SUFU: variants seen among roughly 807,000 people sequenced by gnomAD.
SUFU encodes the protein suppressor of fused homolog.
SUFU carries 7 observed loss-of-function variants against 58.9 expected under a neutral mutation model. The observed-to-expected ratio is 0.12, with a 90% CI of 0.07 to 0.22. The LOEUF (loss-of-function observed/expected upper bound fraction) is 0.22, where lower values mean the gene tolerates loss of function less well. SUFU is among the 10% of genes least tolerant of loss of function. The pLI, the probability that SUFU is intolerant of heterozygous loss-of-function variation, is 1.00. For synonymous variants in SUFU, 232 were observed against 254.8 expected (o/e 0.91, Z 0.85); for missense variants, 451 against 641.3 (o/e 0.70, Z 3.20).
chr10:102,580,662 G>C (rs2063267427), intron 3 of SUFU, among the ~76,000 whole-genome samples: 1 of 152,154 alleles, frequency 6.6e-6, no homozygotes, highest in Non-Finnish European at 1.5e-5. Flanking sequence ...TTAGGTTGAG[G>C]GAGAATTTGC....
At chr10:102,503,961 C>A, upstream of SUFU, 1 of 754,356 alleles carries the variant, frequency 1.3e-6, no homozygotes, top group Non-Finnish European at 1.9e-6. Flanking sequence ...CGCCCCGAGG[C>A]ACCCTCTGGC....
chr10:102,620,965 AC>A (rs2063735007), intron 10 of SUFU, among the ~76,000 whole-genome samples: 1 of 152,126 alleles, frequency 6.6e-6, no homozygotes, highest in Non-Finnish European at 1.5e-5. Flanking sequence ...CTGACAGCTC[AC>A]CCAGGTTGCG....
At chr10:102,548,732 T>C (rs1248827991) in intron 2 of SUFU, among the ~76,000 whole-genome samples, 3 of 152,126 alleles carry the variant, frequency 2.0e-5, no homozygotes, top group Admixed American at 6.5e-5. Flanking sequence ...CAGGCCCAGC[T>C]CTCTGATCCA....
intron 8 of SUFU, among the ~76,000 whole-genome samples, chr10:102,608,673 C>T (rs1267756020): frequency 6.6e-6 from 1 of 152,160 alleles, no homozygotes; most frequent in Non-Finnish European, 1.5e-5. Flanking sequence ...GAGGGAAAAC[C>T]CTGGGCCAGT....
chr10:102,586,920 C>G (rs1282721621), intron 3 of SUFU, among the ~76,000 whole-genome samples: 1 of 152,212 alleles, frequency 6.6e-6, no homozygotes, highest in Admixed American at 6.5e-5. Flanking sequence ...ATAAATTTGC[C>G]TACCCTAGGT....
intron 3 of SUFU, among the ~76,000 whole-genome samples, chr10:102,588,084 T>C (rs554088658): frequency 6.6e-6 from 1 of 152,254 alleles, no homozygotes; most frequent in East Asian, 1.9e-4. Context: ...TCGAATTGTT[T>C]TGGCCCCCTT....
intron 3 of SUFU, among the ~76,000 whole-genome samples, chr10:102,561,672 T>TTG (rs1368436372): frequency 5.4e-5 from 8 of 148,148 alleles, no homozygotes; most frequent in Admixed American, 4.0e-4. Context: ...GCAAGCTTTT[T>TTG]TTTTTTTTTT....
chr10:102,614,873 C>T (rs1211155897), intron 8 of SUFU, among the ~76,000 whole-genome samples: 1 of 147,940 alleles, frequency 6.8e-6, no homozygotes, highest in Admixed American at 6.7e-5. Context: ...GAGACACCAT[C>T]TCAATTAAAA....
At chr10:102,539,353 T>G (rs922145827) in intron 2 of SUFU, among the ~76,000 whole-genome samples, 1 of 152,250 alleles carries the variant, frequency 6.6e-6, no homozygotes, top group African/African-American at 2.4e-5. Context: ...CACAGACATG[T>G]TGTGCCCTTC....
intron 8 of SUFU, among the ~76,000 whole-genome samples, chr10:102,614,512 C>T (rs1380760650): frequency 3.3e-5 from 5 of 150,458 alleles, no homozygotes; most frequent in Non-Finnish European, 4.4e-5. Context: ...GAGCCAAGAT[C>T]GTGCCACTGC....
chr10:102,584,290 A>C (rs549565796), intron 3 of SUFU, among the ~76,000 whole-genome samples: 1 of 152,236 alleles, frequency 6.6e-6, no homozygotes, highest in Admixed American at 6.5e-5. Flanking sequence ...TGGTAACTGC[A>C]CAAGAGTGGT....
chr10:102,562,554 A>G (rs2063049336), intron 3 of SUFU, among the ~76,000 whole-genome samples: 2 of 151,768 alleles, frequency 1.3e-5, no homozygotes, highest in African/African-American at 4.8e-5. Flanking sequence ...AACAACAGCA[A>G]CAACAAAACT....
chr10:102,615,700 G>A (rs1370307492), intron 9 of SUFU, among the ~76,000 whole-genome samples: 1 of 152,198 alleles, frequency 6.6e-6, no homozygotes, highest in Non-Finnish European at 1.5e-5. Flanking sequence ...ACTGGGCCAT[G>A]CGGTGTTCTC....
intron 3 of SUFU, among the ~76,000 whole-genome samples, chr10:102,575,261 T>C (rs1487325509): frequency 6.6e-6 from 1 of 152,210 alleles, no homozygotes; most frequent in African/African-American, 2.4e-5. Flanking sequence ...AGTGGTGCCA[T>C]TTTAGTTGCC....
intron 2 of SUFU, among the ~76,000 whole-genome samples, chr10:102,534,023 C>T (rs1380218796): frequency 6.6e-6 from 1 of 152,150 alleles, no homozygotes; most frequent in Non-Finnish European, 1.5e-5. Flanking sequence ...TGGTTCTTTG[C>T]TTGGGTATAG....
chr10:102,615,162 C>T, intron 8 of SUFU, 106 bp from the exon 9 acceptor site: 2 of 1,509,526 alleles, frequency 1.3e-6, no homozygotes, highest in Non-Finnish European at 1.8e-6. Flanking sequence ...TATCATCAGT[C>T]ACCATTATTG....
chr10:102,520,020 C>A (rs1462121605), intron 2 of SUFU, among the ~76,000 whole-genome samples: 1 of 151,988 alleles, frequency 6.6e-6, no homozygotes, highest in Non-Finnish European at 1.5e-5. Flanking sequence ...GATCTGCCCA[C>A]CTCGGCCTCC....
rs575315282 is a variant in SUFU at position 102,543,992 on chromosome 10, G to A, written c.318-5978G>A. On this transcript the variant is annotated intron_variant, in intron 2 of 11. Coordinates refer to ENST00000369902, the MANE Select transcript of SUFU (RefSeq NM_016169.4). ...CACACACTTGTAATTTCAGCTACTC[G>A]GGAGGCTGAGGTGAGAGGATCTCTT... 1.4e-3 allele frequency among the ~76,000 whole-genome samples: 210 copies of A among 152,234 alleles called. 1 individual carries two copies. Among genetic ancestry groups the A allele is most frequent in the African/African-American group, 4.7e-3 (194 of 41,540 alleles).
intron 2 of SUFU, among the ~76,000 whole-genome samples, chr10:102,543,469 G>A (rs759673878): frequency 8.6e-5 from 13 of 151,936 alleles, no homozygotes; most frequent in African/African-American, 2.9e-4. Flanking sequence ...TAAAATGTAC[G>A]CTTTCATGGT....
Sources: allele counts gnomAD v4.1 joint callset (sites outside exome capture counted in the v4.1 genomes callset), GRCh38; gene constraint gnomAD v4.1.1; transcripts MANE v1.5; gene names NCBI Gene and HGNC (gene_info 2026-07-23, HGNC 2026-07-21).